The following RAI2 variants were observed in gnomAD, a reference collection of about 807,000 sequenced individuals.
The protein encoded by RAI2 is retinoic acid induced 2.
Under a neutral mutation model 15.3 loss-of-function variants are expected in RAI2, and 5 were observed. That is an observed-to-expected ratio of 0.33 (90% CI 0.17 to 0.69). The LOEUF is 0.69. RAI2 is among the 30% of genes least tolerant of loss of function. The probability of loss-of-function intolerance (pLI) is 0.69; values close to 1 mark genes in which losing one functional copy is unlikely to be tolerated. For missense variants in RAI2, 424 were observed against 424.7 expected, an observed-to-expected ratio of 1.00 and a Z score of 0.01; for synonymous variants, 191 against 184.0, an observed-to-expected ratio of 1.04 and a Z score of -0.31.
intron 1 of RAI2, among the ~76,000 whole-genome samples, chrX:17,842,675 A>C (rs1171138776): frequency 9.3e-6 from 1 of 107,980 alleles, no homozygotes; most frequent in African/African-American, 3.4e-5. Flanking sequence ...AAAAAAAAAG[A>C]CTGTGAGGAC....
chrX:17,815,321 GTGCACA>G (rs1311667237), intron 1 of RAI2, among the ~76,000 whole-genome samples: 2 of 58,010 alleles, frequency 3.4e-5, no homozygotes, highest in Non-Finnish European at 5.7e-5. Flanking sequence ...ATGTGCACAC[GTGCACA>G]CACACACACA....
chrX:17,844,898 G>A (rs2147270767), intron 1 of RAI2, among the ~76,000 whole-genome samples: 1 of 111,865 alleles, frequency 8.9e-6, no homozygotes, highest in African/African-American at 3.2e-5. Flanking sequence ...GTGTATGTAT[G>A]TAAGAATTTT....
chrX:17,803,881 G>A lies in RAI2; in HGVS notation c.-24-1847C>T, dbSNP rs187710596. On this transcript the variant is annotated intron_variant, in intron 1 of 1. Coordinates refer to ENST00000451717, the MANE Select transcript of RAI2 (RefSeq NM_021785.6). ...GGGCTTGCCCTAGCTGAAGGGTCTG[G>A]TTCTTTAGGAGTGAATCCTGATTCA... 3.9e-4 allele frequency among the ~76,000 whole-genome samples: 44 copies of A among 111,895 alleles called. No individual in the cohort carries two copies. The East Asian group carries it at 7.6e-3, about 19-fold the overall frequency.
chrX:17,858,440 G>A (rs2067646190), intron 1 of RAI2, among the ~76,000 whole-genome samples: 1 of 112,281 alleles, frequency 8.9e-6, no homozygotes, highest in African/African-American at 3.2e-5. Flanking sequence ...AAGCTTAGGG[G>A]AGAAGCCAGA....
intron 1 of RAI2, among the ~76,000 whole-genome samples, chrX:17,812,983 G>A: frequency 9.0e-6 from 1 of 111,670 alleles, no homozygotes; most frequent in East Asian, 2.8e-4. Context: ...CAATAGCTTG[G>A]TTGCAGGACA....
At chrX:17,812,047 GTCATCA>G (rs2067055101) in intron 1 of RAI2, among the ~76,000 whole-genome samples, 1 of 111,892 alleles carries the variant, frequency 8.9e-6, no homozygotes, top group Non-Finnish European at 1.9e-5. Context: ...TTATTGTATT[GTCATCA>G]TCATCACTGG....
chrX:17,813,791 C>T (rs989878356), intron 1 of RAI2, among the ~76,000 whole-genome samples: 1 of 111,844 alleles, frequency 8.9e-6, no homozygotes, highest in East Asian at 2.8e-4. Context: ...CCTCCTGAAA[C>T]GCTGGTTTCT....
intron 1 of RAI2, among the ~76,000 whole-genome samples, chrX:17,834,107 C>T (rs1308566293): frequency 8.9e-6 from 1 of 111,881 alleles, no homozygotes; most frequent in African/African-American, 3.3e-5. Flanking sequence ...GCAGCTGTAT[C>T]TCTCAGCCTA....
rs933405681 is a variant in RAI2 at position 17,800,810 on chromosome X, G to C, written c.1201C>G (p.His401Asp). ...GTAGCAGCATCACTGCTGCTGATGTGACTATCCATCATGGCTGGGGCCTCA... is the reference window on the plus strand; with the variant it reads ...GTAGCAGCATCACTGCTGCTGATGTCACTATCCATCATGGCTGGGGCCTCA... ...SHEAPAMMDS[H>D]ISSSDAATEM... The change falls in exon 2 of 2, where the codon CAC becomes GAC. Residue 401 changes from histidine (H) to aspartate (D), a missense_variant. Physicochemically the swap from His to Asp is moderately conservative, Grantham distance 81 (BLOSUM62 -1). Transcript: ENST00000451717. The C allele has an allele frequency of 8.3e-7, 1 of 1,211,873 alleles. No individual in the cohort carries two copies. The highest frequency in any genetic ancestry group is 2.2e-5 in the Admixed American group (1 of 46,078).
At chrX:17,844,212 A>G (rs1386193345) in intron 1 of RAI2, among the ~76,000 whole-genome samples, 1 of 112,655 alleles carries the variant, frequency 8.9e-6, no homozygotes, top group Non-Finnish European at 1.9e-5. Context: ...AATGAAACCT[A>G]CGAAGAAGAG....
intron 1 of RAI2, among the ~76,000 whole-genome samples, chrX:17,855,179 G>A (rs1402039358): frequency 2.7e-5 from 3 of 111,760 alleles, no homozygotes; most frequent in African/African-American, 9.8e-5. Flanking sequence ...CCTTGCTCTT[G>A]TTCTCATCAA....
intron 1 of RAI2, among the ~76,000 whole-genome samples, chrX:17,828,351 C>T (rs930154310): frequency 1.8e-5 from 2 of 110,781 alleles, no homozygotes; most frequent in Non-Finnish European, 3.8e-5. Flanking sequence ...CCTGGAACCA[C>T]AGCCTCTCCC....
chrX:17,807,964 C>T (rs1024485153), intron 1 of RAI2, among the ~76,000 whole-genome samples: 1 of 112,145 alleles, frequency 8.9e-6, no homozygotes, highest in African/African-American at 3.2e-5. Context: ...TATTTCTAGT[C>T]AAAGTAGGAC....
In RAI2 at chrX:17,800,653, C is replaced by T. The variant is rs925834049; in HGVS notation, c.1358G>A (p.Gly453Asp). ...CACCCCTGAGAGGCCTTTGATCTTGCCACAGAATATGGTAGGCACAGCATC... is the reference window on the plus strand; with the variant it reads ...CACCCCTGAGAGGCCTTTGATCTTGTCACAGAATATGGTAGGCACAGCATC... ...VEDAVPTIFC[G>D]KIKGLSGVST... Residue 453 changes from glycine to aspartate, a missense_variant, in exon 2 of 2, where the codon GGC (glycine) becomes GAC (aspartate). By Grantham distance (94) the Gly-to-Asp change is moderately conservative. Transcript: ENST00000451717. 8.3e-7 allele frequency: 1 copy of T among 1,211,529 alleles called. No homozygotes were observed. Among genetic ancestry groups the T allele is most frequent in the Non-Finnish European group, 1.1e-6 (1 of 895,364 alleles).
At chrX:17,813,989 G>T (rs919725049) in intron 1 of RAI2, among the ~76,000 whole-genome samples, 22 of 111,764 alleles carry the variant, frequency 2.0e-4, no homozygotes, top group African/African-American at 6.5e-4. Context: ...GTTGGGTTTT[G>T]GTGAACTCAA....
At chrX:17,839,327 T>TA (rs1385472983) in intron 1 of RAI2, among the ~76,000 whole-genome samples, 1 of 112,137 alleles carries the variant, frequency 8.9e-6, no homozygotes, top group East Asian at 2.8e-4. Context: ...CTTCCCTTCT[T>TA]AGTGTGGAAC....
chrX:17,848,664 C>T (rs980663568), intron 1 of RAI2, among the ~76,000 whole-genome samples: 1 of 111,316 alleles, frequency 9.0e-6, no homozygotes, highest in Non-Finnish European at 1.9e-5. Flanking sequence ...TTTTGCCCTC[C>T]AAAATGGACA....
chrX:17,829,452 G>A (rs2067260416), intron 1 of RAI2, among the ~76,000 whole-genome samples: 1 of 110,127 alleles, frequency 9.1e-6, no homozygotes, highest in Non-Finnish European at 1.9e-5. Context: ...TGCATCTAAT[G>A]GGGTCCAGAA....
chrX:17,846,004 G>A (rs140603637), intron 1 of RAI2, among the ~76,000 whole-genome samples: 1,854 of 111,796 alleles, frequency 0.017, 17 homozygotes, highest in Non-Finnish European at 0.026. Flanking sequence ...GGCATAGGGC[G>A]GTCTAGTTTC....
Sources: gnomAD v4.1 joint callset for allele counts (sites outside exome capture counted in the v4.1 genomes callset) on GRCh38, gnomAD v4.1.1 for gene constraint, MANE v1.5 for transcripts, NCBI Gene and HGNC (gene_info 2026-07-23, HGNC 2026-07-21) for gene names.